ASIC2: variants seen among roughly 807,000 people sequenced by gnomAD.
The protein encoded by ASIC2 is acid sensing ion channel subunit 2.
Under a neutral mutation model 57.3 loss-of-function variants are expected in ASIC2, and 25 were observed. The ratio of observed to expected loss-of-function variants is 0.44; its 90% CI spans 0.32 to 0.61. ASIC2 has a LOEUF of 0.61. Among genes scored for constraint, ASIC2 ranks in the 20% least tolerant of loss-of-function variants. The pLI is 0.06. For synonymous variants in ASIC2, 319 were observed against 307.5 expected, an observed-to-expected ratio of 1.04 and a Z score of -0.39; for missense variants, 641 against 738.1, an observed-to-expected ratio of 0.87 and a Z score of 1.52.
chr17:34,057,725 G>GCCAA (rs1908821643), intron 1 of ASIC2, among the ~76,000 whole-genome samples: 2 of 152,120 alleles, frequency 1.3e-5, no homozygotes, highest in African/African-American at 2.4e-5. Flanking sequence ...GCTAGTGCTT[G>GCCAA]GCAATAGAAA....
intron 1 of ASIC2, chr17:34,039,182 T>C (rs1362903952): frequency 8.7e-6 from 14 of 1,613,872 alleles, no homozygotes; most frequent in Non-Finnish European, 1.2e-5. Context: ...CTTCCCTCCT[T>C]CTTCTCTAAG....
chr17:33,720,849 A>G (rs1909368333), intron 1 of ASIC2, among the ~76,000 whole-genome samples: 1 of 152,196 alleles, frequency 6.6e-6, no homozygotes, highest in Non-Finnish European at 1.5e-5. Context: ...GTAATTCATC[A>G]TACTGCAGAA....
intron 1 of ASIC2, among the ~76,000 whole-genome samples, chr17:33,426,697 T>C (rs115841386): frequency 0.017 from 2,626 of 152,308 alleles, 83 homozygotes; most frequent in African/African-American, 0.059. Flanking sequence ...ATTCAAGAAG[T>C]TCCTTGTGAG....
intron 1 of ASIC2, among the ~76,000 whole-genome samples, chr17:34,079,876 C>A (rs1487140139): frequency 6.6e-6 from 1 of 152,190 alleles, no homozygotes; most frequent in African/African-American, 2.4e-5. Flanking sequence ...GGAGGCTGCA[C>A]TTTTCTGGAA....
rs1386226968 is a variant in ASIC2 at position 34,155,753 on chromosome 17, C to G, written c.555+225G>C. On this transcript the variant is annotated intron_variant, in intron 1 of 9. Coordinates refer to the ASIC2 transcript ENST00000359872. ...AAGTGATCCCCCACCGCAAGCCCCCCACTCACCCTCCATATTTGATCTGAC... is the reference window on the plus strand; with the variant it reads ...AAGTGATCCCCCACCGCAAGCCCCCGACTCACCCTCCATATTTGATCTGAC... 4 of 539,834 alleles carry G rather than the reference C, an allele frequency of 7.4e-6. No individual in the cohort carries two copies. The African/African-American group carries it at 7.7e-5, about 10-fold the overall frequency. The allele number at this position is 539,834 out of a possible 1,614,324, so 33.4% of individuals were successfully genotyped here.
intron 1 of ASIC2, among the ~76,000 whole-genome samples, chr17:33,593,535 C>T (rs1167785289): frequency 2.0e-5 from 3 of 152,204 alleles, no homozygotes; most frequent in South Asian, 2.1e-4. Context: ...GTTGCAATCT[C>T]AGCTTTGCCT....
chr17:33,070,072 T>G (rs1347702072), intron 3 of ASIC2, among the ~76,000 whole-genome samples: 1 of 152,216 alleles, frequency 6.6e-6, no homozygotes, highest in Non-Finnish European at 1.5e-5. Flanking sequence ...AGTTTATATA[T>G]AAATCTTTAA....
chr17:33,097,169 A>G (rs189375714), intron 2 of ASIC2, among the ~76,000 whole-genome samples: 1 of 152,122 alleles, frequency 6.6e-6, no homozygotes, highest in Non-Finnish European at 1.5e-5. Context: ...CACATTCTTC[A>G]TTGGTTTGGG....
At chr17:33,433,035 A>G (rs1911474121) in intron 1 of ASIC2, among the ~76,000 whole-genome samples, 1 of 152,218 alleles carries the variant, frequency 6.6e-6, no homozygotes, top group Non-Finnish European at 1.5e-5. Context: ...CATTCAACCC[A>G]GCAATCCCAT....
intron 1 of ASIC2, among the ~76,000 whole-genome samples, chr17:33,387,981 G>A (rs1012747455): frequency 2.0e-5 from 3 of 152,124 alleles, no homozygotes; most frequent in African/African-American, 4.8e-5. Context: ...TCAGGAGGGA[G>A]AGGCAGGAGA....
intron 1 of ASIC2, among the ~76,000 whole-genome samples, chr17:33,121,237 T>A (rs1314299937): frequency 3.3e-5 from 5 of 152,212 alleles, no homozygotes; most frequent in Non-Finnish European, 5.9e-5. Flanking sequence ...TGTGGATCTC[T>A]TGTTCATTTA....
rs75119366 is a variant in ASIC2, at chr17:33,853,219, C to T, written c.555+302759G>A. Among the ~76,000 whole-genome samples, 232 of 152,320 alleles carry T rather than the reference C, an allele frequency of 1.5e-3. 1 individual carries two copies. The highest frequency in any genetic ancestry group is 3.0e-3 in the Non-Finnish European group (202 of 68,028). On this transcript the variant is annotated intron_variant, in intron 1 of 9. Transcript: ENST00000359872. ...TGTTAGACACCCTGGAGTGTATTTACATCCTAAGGAGGGAGAGGGGAGGTG... is the reference window on the plus strand; with the variant it reads ...TGTTAGACACCCTGGAGTGTATTTATATCCTAAGGAGGGAGAGGGGAGGTG...
intron 2 of ASIC2, among the ~76,000 whole-genome samples, chr17:33,101,627 C>T (rs562391763): frequency 6.6e-6 from 1 of 152,262 alleles, no homozygotes; most frequent in Admixed American, 6.5e-5. Flanking sequence ...ATTATCTGCA[C>T]AATTCCTACC....
intron 1 of ASIC2, chr17:34,003,300 G>A (rs150306164): frequency 6.6e-6 from 1 of 152,232 alleles, no homozygotes; most frequent in African/African-American, 2.4e-5. Flanking sequence ...TGGATGATAA[G>A]ACAGATTTCA....
At chr17:33,096,848 G>A (rs554156442) in intron 2 of ASIC2, among the ~76,000 whole-genome samples, 1 of 152,334 alleles carries the variant, frequency 6.6e-6, no homozygotes, top group South Asian at 2.1e-4. Context: ...CAAGTGCCAA[G>A]GCTCTGGGAC....
chr17:33,634,256 A>G (rs1414384367), intron 1 of ASIC2, among the ~76,000 whole-genome samples: 3 of 152,150 alleles, frequency 2.0e-5, no homozygotes, highest in Non-Finnish European at 4.4e-5. Context: ...TTTCAGGATA[A>G]TTGCTTCTGT....
At chr17:34,035,955 C>T (rs1395791522) in intron 1 of ASIC2, among the ~76,000 whole-genome samples, 2 of 151,716 alleles carry the variant, frequency 1.3e-5, no homozygotes, top group Non-Finnish European at 2.9e-5. Flanking sequence ...CTAGTTCAAC[C>T]ATTGTGGAAG....
chr17:33,601,152 C>T (rs1905107029), intron 1 of ASIC2, among the ~76,000 whole-genome samples: 1 of 152,100 alleles, frequency 6.6e-6, no homozygotes, highest in African/African-American at 2.4e-5. Flanking sequence ...TCCAGCTTGG[C>T]CACATAAAGA....
intron 1 of ASIC2, among the ~76,000 whole-genome samples, chr17:33,601,943 TC>T (rs1905124021): frequency 6.6e-6 from 1 of 152,252 alleles, no homozygotes; most frequent in African/African-American, 2.4e-5. Flanking sequence ...TCTCTATTTC[TC>T]CCTTTTGTAA....
Sources: allele counts gnomAD v4.1 joint callset (sites outside exome capture counted in the v4.1 genomes callset), GRCh38; gene constraint gnomAD v4.1.1; transcripts MANE v1.5; gene names NCBI Gene and HGNC (gene_info 2026-07-23, HGNC 2026-07-21).